REDIC1: variants seen among roughly 807,000 people sequenced by gnomAD.
REDIC1 encodes HEI10 Interacting Protein 1.
chr12:39,790,237 T>C, the REDIC1 span, among the ~76,000 whole-genome samples: 2 of 151,178 alleles, frequency 1.3e-5, no homozygotes, highest in Non-Finnish European at 2.9e-5. Context: ...TTTTTTATTA[T>C]ACTTTAAGTT....
the REDIC1 span, chr12:39,721,309 A>G: frequency 1.4e-5 from 20 of 1,400,212 alleles, no homozygotes; most frequent in Admixed American, 2.2e-5. Flanking sequence ...AAACAACAGT[A>G]AATGTTGAAA....
chr12:39,876,761 G>T, the REDIC1 span, among the ~76,000 whole-genome samples: 1 of 151,990 alleles, frequency 6.6e-6, no homozygotes, highest in South Asian at 2.1e-4. Flanking sequence ...TCTGGCATGG[G>T]ACTATAAAGA....
chr12:39,676,024 A>G, the REDIC1 span, among the ~76,000 whole-genome samples: 1 of 152,176 alleles, frequency 6.6e-6, no homozygotes, highest in African/African-American at 2.4e-5. Context: ...TAATTCTGGT[A>G]CTATGACAAA....
chr12:39,668,762 TA>T, the REDIC1 span, among the ~76,000 whole-genome samples: 1 of 152,186 alleles, frequency 6.6e-6, no homozygotes, highest in Admixed American at 6.5e-5. Flanking sequence ...TTTTTTTTGT[TA>T]TTTTTTTTCT....
At chr12:39,658,855 CT>C in the REDIC1 span, among the ~76,000 whole-genome samples, 278 of 152,054 alleles carry the variant, frequency 1.8e-3, no homozygotes, top group African/African-American at 6.0e-3. Flanking sequence ...TTCTTCTCTC[CT>C]TTGGCCTTTG....
the REDIC1 span, among the ~76,000 whole-genome samples, chr12:39,905,169 A>C: frequency 6.6e-6 from 1 of 152,178 alleles, no homozygotes; most frequent in East Asian, 1.9e-4. Flanking sequence ...ACAACTAAGA[A>C]AAATGCTTTG....
the REDIC1 span, among the ~76,000 whole-genome samples, chr12:39,840,219 T>C: frequency 6.6e-6 from 1 of 151,582 alleles, no homozygotes. Context: ...ATTAGTAGAG[T>C]TGGGGTTTCA....
chr12:39,685,375 G>A, the REDIC1 span, among the ~76,000 whole-genome samples: 1 of 152,166 alleles, frequency 6.6e-6, no homozygotes, highest in South Asian at 2.1e-4. Context: ...CAAAGGGGGA[G>A]CAAGGAGTCT....
chr12:39,723,470 A>C, the REDIC1 span, among the ~76,000 whole-genome samples: 1 of 151,816 alleles, frequency 6.6e-6, no homozygotes, highest in East Asian at 1.9e-4. Context: ...ATCTTATGTA[A>C]TTATAACATA....
chr12:39,674,660 C>A, the REDIC1 span, among the ~76,000 whole-genome samples: 1 of 152,100 alleles, frequency 6.6e-6, no homozygotes, highest in Non-Finnish European at 1.5e-5. Context: ...TTTAACCATC[C>A]CTAGAGCTGA....
At chr12:39,900,425 A>T in the REDIC1 span, among the ~76,000 whole-genome samples, 8 of 152,134 alleles carry the variant, frequency 5.3e-5, no homozygotes, top group Non-Finnish European at 1.0e-4. Context: ...ACATGATCGT[A>T]TATCTAGAAA....
At chr12:39,707,288 G>A in the REDIC1 span, among the ~76,000 whole-genome samples, 2 of 151,880 alleles carry the variant, frequency 1.3e-5, no homozygotes, top group Non-Finnish European at 2.9e-5. Context: ...TCAAAGAAAT[G>A]CAAATCAAAA....
At chr12:39,872,037 T>G in the REDIC1 span, 13 of 1,293,736 alleles carry the variant, frequency 1.0e-5, no homozygotes. Flanking sequence ...GAAAAAGATG[T>G]ATTCAATTTG....
the REDIC1 span, among the ~76,000 whole-genome samples, chr12:39,795,398 C>T: frequency 6.6e-6 from 1 of 151,986 alleles, no homozygotes; most frequent in Non-Finnish European, 1.5e-5. Flanking sequence ...TTATTGTCTG[C>T]TCATATTTCC....
At chr12:39,675,715 A>G in the REDIC1 span, among the ~76,000 whole-genome samples, 9 of 152,224 alleles carry the variant, frequency 5.9e-5, no homozygotes, top group South Asian at 1.9e-3. Context: ...CTCCCCTGCC[A>G]CCTCCATTGG....
the REDIC1 span, among the ~76,000 whole-genome samples, chr12:39,797,581 G>T: frequency 6.6e-6 from 1 of 152,040 alleles, no homozygotes; most frequent in Non-Finnish European, 1.5e-5. Context: ...GGACAACTTC[G>T]TCCCTTTTGT....
the REDIC1 span, among the ~76,000 whole-genome samples, chr12:39,738,587 A>G: frequency 6.6e-6 from 1 of 152,242 alleles, no homozygotes; most frequent in African/African-American, 2.4e-5. Flanking sequence ...AGTCTAATAG[A>G]AGCATTTGAA....
the REDIC1 span, among the ~76,000 whole-genome samples, chr12:39,786,078 T>G: frequency 1.3e-5 from 2 of 151,338 alleles, no homozygotes; most frequent in Non-Finnish European, 2.9e-5. Context: ...TGGGAAGGCA[T>G]GATTAGTTTT....
At chr12:39,739,759 A>C in the REDIC1 span, among the ~76,000 whole-genome samples, 4 of 152,302 alleles carry the variant, frequency 2.6e-5, no homozygotes, top group Non-Finnish European at 5.9e-5. Flanking sequence ...CATCTCGTAA[A>C]ATATGATGTA....
Sources: allele counts gnomAD v4.1 joint callset (sites outside exome capture counted in the v4.1 genomes callset), GRCh38; gene constraint gnomAD v4.1.1; transcripts MANE v1.5; gene names NCBI Gene and HGNC (gene_info 2026-07-23, HGNC 2026-07-21).